PCED1B: variants seen among roughly 807,000 people sequenced by gnomAD.
PCED1B encodes PC-esterase domain-containing protein 1B.
For missense variants in PCED1B, 573 were observed against 573.9 expected, an observed-to-expected ratio of 1.00 and a Z score of 0.02; for synonymous variants, 251 against 246.1, an observed-to-expected ratio of 1.02 and a Z score of -0.19.
intron 2 of PCED1B, among the ~76,000 whole-genome samples, chr12:47,175,551 AGTATGTAT>A (rs34227779): frequency 1.1e-4 from 16 of 151,460 alleles, no homozygotes; most frequent in Admixed American, 2.6e-4. Context: ...TACTTCTTTC[AGTATGTAT>A]GTATGTATGT....
chr12:47,118,835 C>G (rs1338752009), intron 2 of PCED1B, among the ~76,000 whole-genome samples: 1 of 152,092 alleles, frequency 6.6e-6, no homozygotes, highest in Non-Finnish European at 1.5e-5. Flanking sequence ...ATGGAATGTT[C>G]TTCCATTTGT....
At position 47,145,206 on chromosome 12, in the gene PCED1B, C is replaced by T. The variant is rs575290414; in HGVS notation, c.-526+41011C>T. Among the ~76,000 whole-genome samples, 3 of 152,272 alleles carry T rather than the reference C, an allele frequency of 2.0e-5. No homozygotes were observed. In the East Asian group the frequency reaches 5.8e-4, roughly 29 times the overall value. On this transcript the variant is annotated intron_variant, in intron 2 of 3. Transcript: ENST00000546455. The stretch of plus-strand genomic sequence containing the variant: ...CCTCAAGCCAAAGCCTAATCCAGAA[C>T]AAGACCCTAAATTTCTTTAATTCTA...
At chr12:47,161,890 T>C (rs1242916515) in intron 2 of PCED1B, among the ~76,000 whole-genome samples, 3 of 151,528 alleles carry the variant, frequency 2.0e-5, no homozygotes, top group Non-Finnish European at 4.4e-5. Flanking sequence ...TAGACTGGAG[T>C]AAGAAAATGT....
chr12:47,149,061 C>A (rs10160997), intron 2 of PCED1B, among the ~76,000 whole-genome samples: 14,378 of 152,214 alleles, frequency 0.094, 1,205 homozygotes, highest in African/African-American at 0.23. Context: ...GTGGAGGATA[C>A]CATTAGCCTA....
At chr12:47,190,047 A>C (rs1381427481) in intron 2 of PCED1B, among the ~76,000 whole-genome samples, 2 of 152,322 alleles carry the variant, frequency 1.3e-5, no homozygotes, top group Middle Eastern at 3.4e-3. Context: ...AAACTACTTC[A>C]GTATCACTTG....
intron 2 of PCED1B, among the ~76,000 whole-genome samples, chr12:47,120,624 A>C (rs1939636455): frequency 6.6e-6 from 1 of 152,118 alleles, no homozygotes; most frequent in Admixed American, 6.6e-5. Flanking sequence ...CAACATGATG[A>C]AATCCCGTTT....
chr12:47,095,225 T>C (rs1372761336), intron 1 of PCED1B, among the ~76,000 whole-genome samples: 1 of 152,168 alleles, frequency 6.6e-6, no homozygotes, highest in Non-Finnish European at 1.5e-5. Flanking sequence ...GATATAATTC[T>C]AGTCTGGCAA....
intron 1 of PCED1B, among the ~76,000 whole-genome samples, chr12:47,090,053 G>A (rs963023929): frequency 3.9e-5 from 6 of 152,192 alleles, no homozygotes; most frequent in South Asian, 2.1e-4. Context: ...GATTACAGGC[G>A]TGAGCCACAG....
intron 2 of PCED1B, among the ~76,000 whole-genome samples, chr12:47,128,187 A>C (rs1939973749): frequency 6.6e-6 from 1 of 152,246 alleles, no homozygotes; most frequent in Non-Finnish European, 1.5e-5. Context: ...TAGTGGTATG[A>C]GCACTGTGGT....
At chr12:47,217,490 A>AAGAG in intron 3 of PCED1B, among the ~76,000 whole-genome samples, 1 of 136,310 alleles carries the variant, frequency 7.3e-6, no homozygotes, top group African/African-American at 3.2e-5. Context: ...GAAAGAAAGA[A>AAGAG]AGAAAGAAAG....
chr12:47,201,490 A>T (rs1942762204), intron 2 of PCED1B, among the ~76,000 whole-genome samples: 2 of 152,186 alleles, frequency 1.3e-5, no homozygotes, highest in South Asian at 4.1e-4. Flanking sequence ...AGGCTAGGTG[A>T]TTAAAGGAAA....
In PCED1B at chr12:47,181,022, G is replaced by T. The variant is rs561906312; in HGVS notation, c.-525-35200G>T. ...TTTCTTTTTTTTTTTTTGAGACAAA[G>T]TCTCACTCTGTAAGTGCAGTGGCAC... On this transcript the variant is annotated intron_variant, in intron 2 of 3. Transcript: ENST00000546455. Among the ~76,000 whole-genome samples, 628 of 149,258 alleles carry T rather than the reference G, an allele frequency of 4.2e-3. 1 individual carries two copies. The highest frequency in any genetic ancestry group is 5.8e-3 in the Non-Finnish European group (393 of 67,648).
chr12:47,145,069 A>T (rs1320584754), intron 2 of PCED1B, among the ~76,000 whole-genome samples: 1 of 152,252 alleles, frequency 6.6e-6, no homozygotes, highest in African/African-American at 2.4e-5. Flanking sequence ...GAAGCAAATT[A>T]AAAGTGCTAC....
At chr12:47,125,735 C>T (rs1017459743) in intron 2 of PCED1B, among the ~76,000 whole-genome samples, 1 of 151,940 alleles carries the variant, frequency 6.6e-6, no homozygotes, top group African/African-American at 2.4e-5. Flanking sequence ...TTGTCAGATT[C>T]GTTCCTAAGT....
intron 2 of PCED1B, among the ~76,000 whole-genome samples, chr12:47,115,080 G>T (rs1172534939): frequency 6.6e-6 from 1 of 152,100 alleles, no homozygotes; most frequent in East Asian, 1.9e-4. Flanking sequence ...GTATAAAAAG[G>T]TATATAATAA....
chr12:47,226,439 T>A (rs1943634635), intron 3 of PCED1B, among the ~76,000 whole-genome samples: 1 of 152,082 alleles, frequency 6.6e-6, no homozygotes, highest in Non-Finnish European at 1.5e-5. Context: ...ATTGGTGGGA[T>A]CTCGGCTCAC....
intron 2 of PCED1B, among the ~76,000 whole-genome samples, chr12:47,134,666 G>A (rs1400719238): frequency 1.3e-5 from 2 of 152,212 alleles, no homozygotes; most frequent in East Asian, 3.9e-4. Context: ...TCAACAGATC[G>A]AGACCATCCT....
At chr12:47,098,306 C>G (rs116273854) in intron 1 of PCED1B, among the ~76,000 whole-genome samples, 1 of 152,176 alleles carries the variant, frequency 6.6e-6, no homozygotes, top group Non-Finnish European at 1.5e-5. Flanking sequence ...AGCTCCCAAC[C>G]AGCGAGGGCT....
chr12:47,092,654 A>G (rs1254234823), intron 1 of PCED1B, among the ~76,000 whole-genome samples: 1 of 152,036 alleles, frequency 6.6e-6, no homozygotes, highest in Non-Finnish European at 1.5e-5. Context: ...TGCTACGGAT[A>G]TTTTGTAGAT....
Sources: gnomAD v4.1 joint callset for allele counts (sites outside exome capture counted in the v4.1 genomes callset) on GRCh38, gnomAD v4.1.1 for gene constraint, MANE v1.5 for transcripts, NCBI Gene and HGNC (gene_info 2026-07-23, HGNC 2026-07-21) for gene names.